TCF12: variants seen among roughly 807,000 people sequenced by gnomAD.
TCF12 encodes transcription factor 12, also known as DNA-binding protein HTF4.
In TCF12, 45 loss-of-function variants were observed where a neutral mutation model predicts 86.0. That is an observed-to-expected ratio of 0.52 (90% CI 0.41 to 0.67). The LOEUF is 0.67. Among genes scored for constraint, TCF12 ranks in the 30% least tolerant of loss-of-function variants. TCF12 has a pLI of 0.00. For synonymous variants in TCF12, 330 were observed against 299.6 expected (o/e 1.10, Z -1.05); for missense variants, 881 against 859.9 (o/e 1.02, Z -0.31).
intron 3 of TCF12, among the ~76,000 whole-genome samples, chr15:56,983,542 A>C (rs1404234744): frequency 6.6e-6 from 1 of 152,214 alleles, no homozygotes; most frequent in African/African-American, 2.4e-5. Flanking sequence ...TAAATACTAT[A>C]TATTATGTAA....
chr15:57,235,577 C>T (rs901459131), intron 12 of TCF12, among the ~76,000 whole-genome samples: 2 of 152,120 alleles, frequency 1.3e-5, no homozygotes, highest in Non-Finnish European at 2.9e-5. Context: ...GACTTACTGT[C>T]ACCTGATGAA....
At chr15:57,011,517 G>T (rs1295580990) in intron 3 of TCF12, among the ~76,000 whole-genome samples, 8 of 152,028 alleles carry the variant, frequency 5.3e-5, no homozygotes, top group Non-Finnish European at 7.4e-5. Context: ...TCAGCCTCAG[G>T]TATTTCTTTA....
At chr15:57,152,542 TAA>T (rs34493586) in intron 5 of TCF12, among the ~76,000 whole-genome samples, 19 of 149,460 alleles carry the variant, frequency 1.3e-4, no homozygotes, top group South Asian at 6.3e-4. Flanking sequence ...ATGGTAGTAA[TAA>T]AAAAAAAAAC....
intron 6 of TCF12, among the ~76,000 whole-genome samples, chr15:57,173,277 A>G (rs1305392932): frequency 1.3e-5 from 2 of 152,216 alleles, no homozygotes; most frequent in Non-Finnish European, 2.9e-5. Context: ...GAAGGAAAGT[A>G]TACTTTTGAA....
intron 5 of TCF12, among the ~76,000 whole-genome samples, chr15:57,149,274 G>T (rs2053581172): frequency 1.3e-5 from 2 of 151,692 alleles, no homozygotes; most frequent in Non-Finnish European, 2.9e-5. Flanking sequence ...TGTGGGCAAG[G>T]GTTGGGGCCA....
chr15:56,920,605 T>C (rs1323562261), intron 2 of TCF12, among the ~76,000 whole-genome samples: 3 of 152,104 alleles, frequency 2.0e-5, no homozygotes, highest in African/African-American at 4.8e-5. Flanking sequence ...CTTTATTAAC[T>C]GCTGTTAGGA....
At chr15:57,234,237 T>C in intron 12 of TCF12, 130 bp downstream of exon 12, 1 of 734,948 alleles carries the variant, frequency 1.4e-6, no homozygotes, top group Non-Finnish European at 2.4e-6. Flanking sequence ...CATTTAGAGT[T>C]ATTCTCGGTT....
Position 57,282,402 on chromosome 15 carries a change from A to G in TCF12, c.1979-43A>G, listed in dbSNP as rs1260177298. ...TTGTTCAGCTTGAGACCTAATTCATAACTTAAAACCATAGTGATAAAAATT... is the reference window on the plus strand; with the variant it reads ...TTGTTCAGCTTGAGACCTAATTCATGACTTAAAACCATAGTGATAAAAATT... On this transcript the variant is annotated intron_variant, in intron 19 of 20. Coordinates refer to ENST00000333725, the MANE Select transcript of TCF12 (RefSeq NM_207037.2). 5 of 1,612,364 alleles carry G rather than the reference A, an allele frequency of 3.1e-6. No homozygotes were observed. The East Asian group carries it at 8.9e-5, about 29-fold the overall frequency.
At chr15:57,051,929 G>A (rs1322206633) in intron 3 of TCF12, among the ~76,000 whole-genome samples, 4 of 152,140 alleles carry the variant, frequency 2.6e-5, no homozygotes, top group Non-Finnish European at 5.9e-5. Flanking sequence ...TTGTCAAAGA[G>A]CAGTTGACCA....
intron 5 of TCF12, among the ~76,000 whole-genome samples, chr15:57,149,831 C>T (rs1385801116): frequency 1.3e-5 from 2 of 152,076 alleles, no homozygotes; most frequent in African/African-American, 4.8e-5. Flanking sequence ...TATGTTCTAT[C>T]TTTTTCTGAT....
chr15:57,273,507 C>T (rs1431910174), intron 19 of TCF12, among the ~76,000 whole-genome samples: 2 of 152,102 alleles, frequency 1.3e-5, no homozygotes, highest in African/African-American at 4.8e-5. Context: ...AACAAACAGC[C>T]TCTGCCTGCT....
intron 3 of TCF12, among the ~76,000 whole-genome samples, chr15:57,047,657 A>G (rs1362889131): frequency 6.6e-6 from 1 of 152,232 alleles, no homozygotes; most frequent in Non-Finnish European, 1.5e-5. Context: ...AATATTTTTG[A>G]AAATTTTATA....
chr15:57,069,027 T>A (rs1482924137), intron 4 of TCF12, among the ~76,000 whole-genome samples: 1 of 152,152 alleles, frequency 6.6e-6, no homozygotes, highest in Non-Finnish European at 1.5e-5. Flanking sequence ...GTTATATGAG[T>A]TTGTGGAAAT....
At chr15:57,166,128 G>A (rs1269815561) in intron 5 of TCF12, among the ~76,000 whole-genome samples, 4 of 151,894 alleles carry the variant, frequency 2.6e-5, no homozygotes, top group East Asian at 1.9e-4. Context: ...TATTGCCCAC[G>A]CTAGTCTTGA....
chr15:57,246,887 A>G (rs767384852), intron 13 of TCF12: 1 of 445,838 alleles, frequency 2.2e-6, no homozygotes, highest in Non-Finnish European at 4.4e-6. Flanking sequence ...ACTGTCTCAA[A>G]GTAACCTACA....
chr15:57,260,753 G>C (rs2060550849), intron 16 of TCF12, among the ~76,000 whole-genome samples: 1 of 152,090 alleles, frequency 6.6e-6, no homozygotes, highest in Non-Finnish European at 1.5e-5. Flanking sequence ...ATGGGATTTT[G>C]AACTTCCTTT....
At chr15:56,952,274 T>C (rs2061313605) in intron 3 of TCF12, among the ~76,000 whole-genome samples, 1 of 152,092 alleles carries the variant, frequency 6.6e-6, no homozygotes. Context: ...TTATGTAATA[T>C]CATACTTTCT....
intron 3 of TCF12, among the ~76,000 whole-genome samples, chr15:56,998,075 A>G (rs2063806614): frequency 6.6e-6 from 1 of 152,220 alleles, no homozygotes; most frequent in Non-Finnish European, 1.5e-5. Flanking sequence ...TAAAGGAGAA[A>G]TAGGGAATTC....
intron 3 of TCF12, among the ~76,000 whole-genome samples, chr15:57,038,533 G>A (rs1192869862): frequency 2.6e-5 from 4 of 152,160 alleles, no homozygotes; most frequent in Non-Finnish European, 5.9e-5. Flanking sequence ...CACAGATTGA[G>A]TCTTTGGCTT....
Sources: allele counts gnomAD v4.1 joint callset (sites outside exome capture counted in the v4.1 genomes callset), GRCh38; gene constraint gnomAD v4.1.1; transcripts MANE v1.5; gene names NCBI Gene and HGNC (gene_info 2026-07-23, HGNC 2026-07-21).